Variants in PTPN22 observed in about 807,000 individuals in gnomAD.
PTPN22 encodes protein tyrosine phosphatase non-receptor type 22.
Under a neutral mutation model 103.3 loss-of-function variants are expected in PTPN22, and 85 were observed. That is an observed-to-expected ratio of 0.82 (90% CI 0.69 to 0.99). PTPN22 has a LOEUF of 0.99. Ranked by LOEUF, PTPN22 falls within the 50% of genes least tolerant of loss-of-function variation. The pLI, the probability that PTPN22 is intolerant of heterozygous loss-of-function variation, is 0.00. For synonymous variants in PTPN22, 323 were observed against 310.2 expected (o/e 1.04, Z -0.43); for missense variants, 865 against 936.9 (o/e 0.92, Z 1.00).
exon 8 of PTPN22, chr1:113,854,932 T>C (rs138719022): frequency 6.3e-5 from 101 of 1,613,406 alleles, no homozygotes; most frequent in Non-Finnish European, 7.6e-5. Flanking sequence ...ATGGGAACAC[T>C]GTCATCCTCT....
chr1:113,821,428 T>C (rs1558015464), intron 19 of PTPN22, among the ~76,000 whole-genome samples: 1 of 152,130 alleles, frequency 6.6e-6, no homozygotes, highest in Non-Finnish European at 1.5e-5. Context: ...TTCAAGCGAT[T>C]CTCCTGCCTC....
At chr1:113,834,605 C>A (rs33965092) in intron 14 of PTPN22, among the ~76,000 whole-genome samples, 166 bp from the exon 15 acceptor site, 3,147 of 152,260 alleles carry the variant, frequency 0.021, 48 homozygotes, top group Middle Eastern at 0.041. Flanking sequence ...GTCACCCAGA[C>A]TGGAGTGCAG....
chr1:113,832,970 G>A (rs1662677150), intron 16 of PTPN22, 141 bp downstream of exon 16: 2 of 828,288 alleles, frequency 2.4e-6, no homozygotes, highest in African/African-American at 1.8e-5. Flanking sequence ...TTCTAGTCTG[G>A]GAAAGCCAGA....
intron 1 of PTPN22, among the ~76,000 whole-genome samples, chr1:113,861,806 G>GA (rs1665633226): frequency 6.6e-6 from 1 of 152,154 alleles, no homozygotes; most frequent in African/African-American, 2.4e-5. Flanking sequence ...GAGGAACCCT[G>GA]AAAGTAGAAA....
chr1:113,858,532 A>G (rs765607212), exon 4 of PTPN22: 2 of 1,606,058 alleles, frequency 1.2e-6, no homozygotes, highest in Non-Finnish European at 1.7e-6. Context: ...TTGTAGATAA[A>G]GGACCCTGGG....
intron 8 of PTPN22, 89 bp downstream of exon 8, chr1:113,854,818 T>C: frequency 1.4e-6 from 2 of 1,442,412 alleles, no homozygotes; most frequent in South Asian, 1.3e-5. Flanking sequence ...GTTTTTGCTA[T>C]TAACCTTTTC....
intron 20 of PTPN22, among the ~76,000 whole-genome samples, chr1:113,818,020 G>A (rs1571329391): frequency 6.7e-6 from 1 of 149,874 alleles, no homozygotes; most frequent in East Asian, 2.0e-4. Flanking sequence ...CAACTCCTGG[G>A]CTCAAGGGAC....
intron 1 of PTPN22, among the ~76,000 whole-genome samples, chr1:113,862,272 G>A (rs1161844904): frequency 1.3e-5 from 2 of 152,016 alleles, no homozygotes; most frequent in Non-Finnish European, 2.9e-5. Context: ...GACAGTGTGA[G>A]ACTCCGCCTC....
At chr1:113,834,389 T>C in exon 15 of PTPN22, 9 of 1,613,628 alleles carry the variant, frequency 5.6e-6, no homozygotes, top group Non-Finnish European at 7.6e-6. Flanking sequence ...GTTCCAATTT[T>C]TACCTTCACA....
exon 21 of PTPN22, chr1:113,814,104 C>A (rs1660994173): frequency 6.6e-6 from 1 of 152,190 alleles, no homozygotes; most frequent in Admixed American, 6.6e-5. Context: ...TATGGCAGAT[C>A]CATATTCATA....
chr1:113,858,375 G>A (rs1385603272), intron 4 of PTPN22, 103 bp downstream of exon 4: 3 of 750,740 alleles, frequency 4.0e-6, no homozygotes, highest in Non-Finnish European at 6.3e-6. Flanking sequence ...TTGTGATTCT[G>A]ACTAAAAGAT....
intron 11 of PTPN22, among the ~76,000 whole-genome samples, chr1:113,839,150 A>C (rs1663289892): frequency 6.6e-6 from 1 of 152,190 alleles, no homozygotes; most frequent in African/African-American, 2.4e-5. Flanking sequence ...GCTCCTTCTA[A>C]GTAATTAGAT....
chr1:113,830,504 C>G (rs981961125), intron 16 of PTPN22, among the ~76,000 whole-genome samples: 1 of 152,020 alleles, frequency 6.6e-6, no homozygotes, highest in African/African-American at 2.4e-5. Flanking sequence ...AGAACTGTTA[C>G]AGATTTCAAA....
chr1:113,816,137 T>TA (rs1410308402), intron 20 of PTPN22, among the ~76,000 whole-genome samples: 4 of 152,134 alleles, frequency 2.6e-5, no homozygotes, highest in African/African-American at 9.7e-5. Flanking sequence ...TTATCTACCT[T>TA]AAAAAACTGA....
intron 20 of PTPN22, chr1:113,815,551 T>A (rs1190357611): frequency 1.3e-5 from 2 of 152,148 alleles, no homozygotes; most frequent in African/African-American, 4.8e-5. Flanking sequence ...GATGAGAAAA[T>A]TTTTCACAAC....
At chr1:113,854,391 T>A (rs1178893666) in intron 9 of PTPN22, 80 bp downstream of exon 9, 1 of 1,254,830 alleles carries the variant, frequency 8.0e-7, no homozygotes, top group Admixed American at 1.8e-5. Context: ...TGAAGATAGA[T>A]GTTTTGAAAA....
chr1:113,825,539 A>G (rs956654627), intron 18 of PTPN22, among the ~76,000 whole-genome samples: 1 of 152,102 alleles, frequency 6.6e-6, no homozygotes, highest in African/African-American at 2.4e-5. Flanking sequence ...TCCCTACAAA[A>G]AGTAAAAAAA....
At chr1:113,870,543 C>T (rs112872676) in intron 1 of PTPN22, among the ~76,000 whole-genome samples, 445 of 152,302 alleles carry the variant, frequency 2.9e-3, no homozygotes, top group African/African-American at 0.01. Flanking sequence ...AGGAGATTCA[C>T]TGTTCTTCTG....
chr1:113,819,604 TTGAC>T lies in PTPN22; in HGVS notation c.2328_2331del (p.Ser777IlefsTer7). 6.2e-7 allele frequency: 1 copy of T among 1,608,888 alleles called. No individual in the cohort carries two copies. Among genetic ancestry groups the T allele is most frequent in the South Asian group, 1.1e-5 (1 of 90,308 alleles). On this transcript the variant is annotated frameshift_variant, in exon 20 of 21. Transcript: ENST00000359785. LOFTEE classifies it high-confidence loss of function. ...AAATTCAGAAATGAGCTGGAGTTAT[TTGAC>T]TGAACAGATTCTGCAGGCTTGTTTG...
Sources: gnomAD v4.1 joint callset for allele counts (sites outside exome capture counted in the v4.1 genomes callset) on GRCh38, gnomAD v4.1.1 for gene constraint, MANE v1.5 for transcripts, NCBI Gene and HGNC (gene_info 2026-07-23, HGNC 2026-07-21) for gene names.